ZAR1: variants seen among roughly 807,000 people sequenced by gnomAD.
ZAR1 encodes zygote arrest 1.
Under a neutral mutation model 38.3 loss-of-function variants are expected in ZAR1, and 37 were observed. The ratio of observed to expected loss-of-function variants is 0.97; its 90% CI spans 0.74 to 1.27. ZAR1 has a LOEUF of 1.27. Among genes scored for constraint, ZAR1 ranks in the 50% most tolerant of loss-of-function variants. The pLI, the probability that ZAR1 is intolerant of heterozygous loss-of-function variation, is 0.00. For missense variants in ZAR1, 651 were observed against 632.4 expected (o/e 1.03, Z -0.32); for synonymous variants, 336 against 292.0 (o/e 1.15, Z -1.53).
At position 48,490,931 on chromosome 4, in the gene ZAR1, G is replaced by C. The variant is rs770113421; in HGVS notation, c.640G>C (p.Gly214Arg). The change falls in exon 1 of 4, where the codon GGG becomes CGG. Residue 214 changes from glycine (G) to arginine (R), a missense_variant. By Grantham distance (125) the Gly-to-Arg change is moderately radical. Coordinates refer to ENST00000327939, the MANE Select transcript of ZAR1 (RefSeq NM_175619.3). Reference protein sequence around the residue: ...QRSGASDGERGPPPARLQGPE... With the variant: ...QRSGASDGERRPPPARLQGPE... ...GTCCGGGGCGTCGGACGGAGAGAGG[G>C]GGCCGCCGCCCGCGCGGCTTCAAGG... The C allele has an allele frequency of 3.3e-5, 45 of 1,344,944 alleles. No homozygotes were observed. The highest frequency in any genetic ancestry group is 5.3e-4 in the Middle Eastern group (2 of 3,762). The allele number at this position is 1,344,944 out of a possible 1,614,324, so 83.3% of individuals were successfully genotyped here.
At chr4:48,494,926 A>G (rs146518499), downstream of ZAR1, among the ~76,000 whole-genome samples, 440 of 152,314 alleles carry the variant, frequency 2.9e-3, 1 homozygote, top group African/African-American at 9.9e-3. Context: ...AAATGTGGCA[A>G]AAGTGGGGCT....
At position 48,494,219 on chromosome 4, in the gene ZAR1, CT is replaced by C. The variant is rs1718522923; in HGVS notation, c.1253del (p.Phe418SerfsTer9). The C allele has an allele frequency of 6.2e-7, 1 of 1,614,102 alleles. No individual in the cohort carries two copies. The highest frequency in any genetic ancestry group is 1.3e-5 in the African/African-American group (1 of 74,938). On this transcript the variant is annotated frameshift_variant, in exon 4 of 4. Coordinates refer to ENST00000327939, the MANE Select transcript of ZAR1 (RefSeq NM_175619.3). LOFTEE classifies it high-confidence loss of function. ...CKGKRLSCDS[T>X]FSFKYII ...GGCAAACGCCTGTCCTGTGACAGCA[CT>C]TTCAGCTTCAAATACATCATTTAGG... is the stretch of plus-strand genomic sequence containing the variant.
chr4:48,496,834 A>G (rs1718638176), downstream of ZAR1, among the ~76,000 whole-genome samples: 1 of 152,242 alleles, frequency 6.6e-6, no homozygotes. Context: ...AAAAAATGCT[A>G]TAAAATACCA....
chr4:48,492,550 G>C (rs1718473037), intron 1 of ZAR1, among the ~76,000 whole-genome samples: 1 of 152,282 alleles, frequency 6.6e-6, no homozygotes, highest in African/African-American at 2.4e-5. Context: ...GAGTTAATCT[G>C]GTATATGAAC....
In ZAR1 at chr4:48,492,997, G is replaced by T; in HGVS notation, c.1116G>T (p.Glu372Asp). ...CQKSYNPYRVEDITCQSCKQT... is the reference protein window; with the variant it reads ...CQKSYNPYRVDDITCQSCKQT... The stretch of plus-strand genomic sequence containing the variant: ...AGTCTTATAACCCTTACCGAGTGGA[G>T]GATATCACCTGTCAAGTAAATCAGA... The change falls in exon 3 of 4, where the codon GAG becomes GAT. Residue 372 changes from glutamate to aspartate, a missense_variant. This residue lies in a region of ZAR1 where 129 missense variants were observed against 172.5 expected (regional missense o/e 0.75). Coordinates refer to ENST00000327939, the MANE Select transcript of ZAR1 (RefSeq NM_175619.3). 6.2e-7 allele frequency: 1 copy of T among 1,614,172 alleles called. No individual in the cohort carries two copies.
Position 48,490,447 on chromosome 4 carries a change from C to T in ZAR1, c.156C>T (p.Ser52=), listed in dbSNP as rs1299559246. ...QRGRGCLPAS[S]PCSAGAASLS... is the part of the protein sequence containing the mutation. ...GCAGGGGCTGCCTTCCCGCCTCCTC[C>T]CCCTGCTCGGCGGGCGCGGCCTCGT... The change falls in exon 1 of 4, where the codon TCC becomes TCT. Residue 52 remains serine, a synonymous_variant. Coordinates refer to ENST00000327939, the MANE Select transcript of ZAR1 (RefSeq NM_175619.3). The T allele has an allele frequency of 5.5e-6, 8 of 1,467,458 alleles. No individual in the cohort carries two copies. The highest frequency in any genetic ancestry group is 2.9e-5 in the East Asian group (1 of 34,554). The allele number at this position is 1,467,458 out of a possible 1,614,324, so 90.9% of individuals were successfully genotyped here.
At chr4:48,494,947 T>C (rs576220339), downstream of ZAR1, among the ~76,000 whole-genome samples, 10 of 152,262 alleles carry the variant, frequency 6.6e-5, no homozygotes, top group South Asian at 1.7e-3. Context: ...TGGAACAGGG[T>C]GGCTGTGGGC....
At position 48,490,615 on chromosome 4, in the gene ZAR1, G is replaced by A; in HGVS notation, c.324G>A (p.Val108=). The A allele has an allele frequency of 7.3e-7, 1 of 1,368,478 alleles. No individual in the cohort carries two copies. The highest frequency in any genetic ancestry group is 9.3e-7 in the Non-Finnish European group (1 of 1,071,356). The allele number at this position is 1,368,478 out of a possible 1,614,324, so 84.8% of individuals were successfully genotyped here. A position where few individuals can be genotyped will look rare whatever the true frequency, so the allele number is the denominator to read the frequency against. ...ARRAGSCDVA[V]QVSPRIDAAV... is the part of the protein sequence containing the mutation. ...GGGCCGGCAGCTGCGACGTGGCGGT[G>A]CAGGTGAGCCCGCGCATCGACGCCG... The change falls in exon 1 of 4, where the codon GTG becomes GTA. Residue 108 remains valine (V), a synonymous_variant. Coordinates refer to ENST00000327939, the MANE Select transcript of ZAR1 (RefSeq NM_175619.3).
rs1718400924 is a variant in ZAR1, at chr4:48,490,654, G to A, written c.363G>A (p.Ser121=). 1.5e-6 allele frequency: 2 copies of A among 1,336,626 alleles called. No individual in the cohort carries two copies. The highest frequency in any genetic ancestry group is 1.9e-6 in the Non-Finnish European group (2 of 1,050,570). 82.8% of individuals were successfully genotyped at this position (1,336,626 alleles called of 1,614,324 possible). ...GCATCGACGCCGCGGTACAGTGCTC[G>A]CTGGGGAGGCGCACGCTGCAGCGCC... ...SPRIDAAVQC[S]LGRRTLQRRA... The change falls in exon 1 of 4, where the codon TCG becomes TCA. Residue 121 remains serine, a synonymous_variant. Transcript: ENST00000327939.
At position 48,490,500 on chromosome 4, in the gene ZAR1, C is replaced by G; in HGVS notation, c.209C>G (p.Thr70Arg). The G allele has an allele frequency of 6.8e-7, 1 of 1,469,760 alleles. No homozygotes were observed. Among genetic ancestry groups the G allele is most frequent in the Non-Finnish European group, 8.9e-7 (1 of 1,119,692 alleles). 91.0% of individuals were successfully genotyped at this position (1,469,760 alleles called of 1,614,324 possible). The change falls in exon 1 of 4, where the codon ACG (threonine) becomes AGG (arginine). Residue 70 changes from threonine to arginine, a missense_variant. Thr to Arg is a moderately conservative substitution (Grantham distance 71). Coordinates refer to ENST00000327939, the MANE Select transcript of ZAR1 (RefSeq NM_175619.3). Reference sequence around the variant, plus strand: ...TCCTTCCCGGGCTGCGGGCGGCTGACGGCCGCCGAGTACTTCGACAGCTAC... The same window carrying G: ...TCCTTCCCGGGCTGCGGGCGGCTGAGGGCCGCCGAGTACTTCGACAGCTAC... ...SLSFPGCGRL[T>R]AAEYFDSYQR...
intron 1 of ZAR1, among the ~76,000 whole-genome samples, chr4:48,492,306 G>A (rs1034350789): frequency 4.6e-5 from 7 of 152,152 alleles, no homozygotes; most frequent in Non-Finnish European, 1.0e-4. Flanking sequence ...GCTTACGTAC[G>A]ATTTAGGTTC....
At chr4:48,494,525 C>T (rs1718534044), downstream of ZAR1, 1 of 377,856 alleles carries the variant, frequency 2.6e-6, no homozygotes, top group Non-Finnish European at 4.8e-6. Context: ...CTGAGTTAGG[C>T]TGCAGCCACT....
Position 48,491,137 on chromosome 4 carries a change from G to A in ZAR1, c.846G>A (p.Gly282=). Residue 282 remains glycine (G), a synonymous_variant, in exon 1 of 4, where the codon GGG becomes GGA. Transcript: ENST00000327939. The part of the protein sequence containing the change: ...AAPRSALRSP[G]QPPSAGRARD... ...CGCGGTCGGCGCTAAGGAGCCCGGG[G>A]CAACCTCCGTCGGCGGGGAGGGCCC... 1 of 1,243,168 alleles carries A rather than the reference G, an allele frequency of 8.0e-7. No individual in the cohort carries two copies. 77.0% of individuals were successfully genotyped at this position (1,243,168 alleles called of 1,614,324 possible). A position where few individuals can be genotyped will look rare whatever the true frequency, so the allele number is the denominator to read the frequency against.
At chr4:48,495,503 G>A (rs1375848010), downstream of ZAR1, among the ~76,000 whole-genome samples, 1 of 152,156 alleles carries the variant, frequency 6.6e-6, no homozygotes. Flanking sequence ...GCAGATTACT[G>A]GGCACCTGTC....
rs1335402249 is a variant in ZAR1, at chr4:48,492,998, G to T, written c.1117G>T (p.Asp373Tyr). 6 of 1,614,158 alleles carry T rather than the reference G, an allele frequency of 3.7e-6. No individual in the cohort carries two copies. The highest frequency in any genetic ancestry group is 3.3e-4 in the Middle Eastern group (2 of 6,062). Residue 373 changes from aspartate to tyrosine, a missense_variant, in exon 3 of 4, where the codon GAT becomes TAT. Physicochemically the swap from Asp to Tyr is radical, Grantham distance 160 (BLOSUM62 -3). Transcript: ENST00000327939. ...GTCTTATAACCCTTACCGAGTGGAG[G>T]ATATCACCTGTCAAGTAAATCAGAT... is the stretch of plus-strand genomic sequence containing the variant. The part of the protein sequence containing the change: ...QKSYNPYRVE[D>Y]ITCQSCKQTR...
At chr4:48,494,689 C>CA (rs34211079), downstream of ZAR1, among the ~76,000 whole-genome samples, 3,466 of 146,566 alleles carry the variant, frequency 0.024, 117 homozygotes, top group African/African-American at 0.077. Flanking sequence ...GACTCCATCT[C>CA]AAAAAAAAAA....
chr4:48,496,141 A>C (rs1718594938), downstream of ZAR1, among the ~76,000 whole-genome samples: 2 of 152,156 alleles, frequency 1.3e-5, no homozygotes, highest in Admixed American at 6.5e-5. Flanking sequence ...GCATGGTGGC[A>C]TATAGATTAA....
downstream of ZAR1, among the ~76,000 whole-genome samples, chr4:48,494,647 G>A (rs191911413): frequency 2.7e-4 from 41 of 151,826 alleles, no homozygotes; most frequent in East Asian, 5.8e-3. Context: ...TAGCGATCGC[G>A]CCACTGCACT....
At chr4:48,497,554 T>C (rs1718703516), downstream of ZAR1, 1 of 152,582 alleles carries the variant, frequency 6.6e-6, no homozygotes, top group Non-Finnish European at 1.5e-5. Flanking sequence ...TTTGTTAAAA[T>C]ACAACACAAA....
Sources: allele counts gnomAD v4.1 joint callset (sites outside exome capture counted in the v4.1 genomes callset), GRCh38; gene constraint gnomAD v4.1.1; regional missense constraint gnomAD v4.1.1; transcripts MANE v1.5; gene names NCBI Gene and HGNC (gene_info 2026-07-23, HGNC 2026-07-21).